The following TAFA1 variants were observed in gnomAD, a reference collection of about 807,000 sequenced individuals.
TAFA1 encodes the protein TAFA chemokine like family member 1.
In TAFA1, 4 loss-of-function variants were observed where a neutral mutation model predicts 18.5. The observed-to-expected ratio is 0.22, with a 90% CI of 0.11 to 0.49. TAFA1 has a LOEUF of 0.49. Among genes scored for constraint, TAFA1 ranks in the 20% least tolerant of loss-of-function variants. The pLI, the probability that TAFA1 is intolerant of heterozygous loss-of-function variation, is 0.98. For synonymous variants in TAFA1, 56 were observed against 55.2 expected, an observed-to-expected ratio of 1.01 and a Z score of -0.06; for missense variants, 147 against 169.0, an observed-to-expected ratio of 0.87 and a Z score of 0.72.
chr3:68,397,752 A>G (rs774804317), intron 2 of TAFA1, among the ~76,000 whole-genome samples: 1 of 152,214 alleles, frequency 6.6e-6, no homozygotes, highest in African/African-American at 2.4e-5. Flanking sequence ...GTCTTCCACA[A>G]TGGTTGAACT....
intron 3 of TAFA1, among the ~76,000 whole-genome samples, chr3:68,445,767 C>T (rs2071465566): frequency 6.6e-6 from 1 of 152,072 alleles, no homozygotes; most frequent in Admixed American, 6.6e-5. Context: ...ATTTGCATTT[C>T]TAAACAATTT....
intron 2 of TAFA1, among the ~76,000 whole-genome samples, chr3:68,040,171 C>A (rs1705134716): frequency 6.6e-6 from 1 of 152,134 alleles, no homozygotes; most frequent in Non-Finnish European, 1.5e-5. Flanking sequence ...TCAGATTATT[C>A]TTTTAACATT....
At chr3:68,184,485 AAGAG>A (rs1276912540) in intron 2 of TAFA1, among the ~76,000 whole-genome samples, 1 of 152,224 alleles carries the variant, frequency 6.6e-6, no homozygotes, top group East Asian at 1.9e-4. Context: ...AAGCAAAAGA[AAGAG>A]AGCTGATTTT....
At chr3:68,136,401 C>T (rs190392685) in intron 2 of TAFA1, among the ~76,000 whole-genome samples, 102 of 152,256 alleles carry the variant, frequency 6.7e-4, no homozygotes, top group African/African-American at 2.2e-3. Context: ...TAAAGGTACA[C>T]CCACAAAAGG....
rs145721159 is a variant in TAFA1 at position 68,280,598 on chromosome 3, T to C, written c.119-136682T>C. ...CCTCCACTTTTAAAGAAATTGACCA[T>C]GCATTGAGTGGACTTTTGTTTTTTT... On this transcript the variant is annotated intron_variant, in intron 2 of 4. Transcript: ENST00000478136. Among the ~76,000 whole-genome samples, 979 of 152,076 alleles carry C rather than the reference T, an allele frequency of 6.4e-3. 4 individuals are homozygous for C. Among genetic ancestry groups the C allele is most frequent in the Non-Finnish European group, 0.011 (715 of 67,998 alleles).
At chr3:68,154,076 G>T (rs895553765) in intron 2 of TAFA1, among the ~76,000 whole-genome samples, 10 of 152,126 alleles carry the variant, frequency 6.6e-5, no homozygotes, top group Admixed American at 3.9e-4. Context: ...TAATTTCTTA[G>T]TGTTGCCATT....
At chr3:68,370,447 T>TACACACACACACAC (rs2069672290) in intron 2 of TAFA1, among the ~76,000 whole-genome samples, 4 of 45,742 alleles carry the variant, frequency 8.7e-5, no homozygotes, top group African/African-American at 1.2e-4. Context: ...TATACATATG[T>TACACACACACACAC]ATATATATGT....
intron 2 of TAFA1, among the ~76,000 whole-genome samples, chr3:68,012,982 G>A (rs180762164): frequency 3.0e-4 from 45 of 152,198 alleles, no homozygotes; most frequent in Non-Finnish European, 5.4e-4. Context: ...AAAGATTTGC[G>A]TGTAAGAAAT....
intron 3 of TAFA1, among the ~76,000 whole-genome samples, chr3:68,496,496 A>G (rs2072552919): frequency 1.3e-5 from 2 of 152,120 alleles, no homozygotes; most frequent in Admixed American, 1.3e-4. Flanking sequence ...TCCAGTTAAC[A>G]GACTTAATGG....
intron 2 of TAFA1, among the ~76,000 whole-genome samples, chr3:68,187,504 T>C (rs749545629): frequency 3.9e-5 from 6 of 152,038 alleles, no homozygotes; most frequent in Non-Finnish European, 8.8e-5. Flanking sequence ...GTTTGTGAAA[T>C]TGATTATCTT....
intron 2 of TAFA1, among the ~76,000 whole-genome samples, chr3:68,185,033 G>A (rs1304007434): frequency 6.6e-6 from 1 of 151,998 alleles, no homozygotes; most frequent in African/African-American, 2.4e-5. Context: ...ATATGTCAGG[G>A]ACTCTGCCAA....
At chr3:68,483,968 A>G (rs1354071721) in intron 3 of TAFA1, among the ~76,000 whole-genome samples, 1 of 152,220 alleles carries the variant, frequency 6.6e-6, no homozygotes, top group Non-Finnish European at 1.5e-5. Flanking sequence ...ACACAATCTG[A>G]TACGTACATT....
chr3:68,490,181 A>G (rs1470831025), intron 3 of TAFA1, among the ~76,000 whole-genome samples: 1 of 152,202 alleles, frequency 6.6e-6, no homozygotes, highest in Admixed American at 6.5e-5. Context: ...CACTACTTTT[A>G]TTAGACAGTG....
At chr3:68,221,340 G>T (rs1009706963) in intron 2 of TAFA1, among the ~76,000 whole-genome samples, 1 of 152,086 alleles carries the variant, frequency 6.6e-6, no homozygotes, top group Non-Finnish European at 1.5e-5. Flanking sequence ...GGGGGGATGG[G>T]TTTGCCCCTA....
At chr3:68,054,169 G>A (rs918310776) in intron 2 of TAFA1, among the ~76,000 whole-genome samples, 1 of 152,156 alleles carries the variant, frequency 6.6e-6, no homozygotes, top group Non-Finnish European at 1.5e-5. Flanking sequence ...ACATTGAAAT[G>A]TGATCCCCAG....
At chr3:68,524,014 T>C (rs1387520888) in intron 3 of TAFA1, among the ~76,000 whole-genome samples, 1 of 152,230 alleles carries the variant, frequency 6.6e-6, no homozygotes, top group Non-Finnish European at 1.5e-5. Context: ...TACTTTCCCA[T>C]TGCCTTTTGT....
chr3:68,503,737 T>C (rs1016811696), intron 3 of TAFA1, among the ~76,000 whole-genome samples: 15 of 152,110 alleles, frequency 9.9e-5, no homozygotes, highest in African/African-American at 3.6e-4. Context: ...GGGAGGCCTT[T>C]CTGATGAAAA....
intron 3 of TAFA1, among the ~76,000 whole-genome samples, chr3:68,435,026 G>A (rs1409686208): frequency 1.3e-5 from 2 of 152,116 alleles, no homozygotes; most frequent in Admixed American, 6.6e-5. Context: ...AGGCAAATTG[G>A]TGATTGCAAA....
In TAFA1 at chr3:68,539,688, T is replaced by TG. The variant is rs1184533157; in HGVS notation, c.384+812dup. On this transcript the variant is annotated intron_variant, in intron 4 of 4. Transcript: ENST00000478136. ...CTCTGTGTGTGTGTGTGGGGGGGCA[T>TG]GGGGTGGGTGGGTGGGTGTGTGCAT... 4.7e-3 allele frequency among the ~76,000 whole-genome samples: 59 copies of TG among 12,442 alleles called. 5 individuals carry two copies. The highest frequency in any genetic ancestry group is 0.021 in the African/African-American group (53 of 2,584). The allele number at this position is 12,442 out of a possible 152,430, so 8.2% of individuals were successfully genotyped here. A position where few individuals can be genotyped will look rare whatever the true frequency, so the allele number is the denominator to read the frequency against.
Sources: allele counts gnomAD v4.1 joint callset (sites outside exome capture counted in the v4.1 genomes callset), GRCh38; gene constraint gnomAD v4.1.1; transcripts MANE v1.5; gene names NCBI Gene and HGNC (gene_info 2026-07-23, HGNC 2026-07-21).